SOX5: variants seen among roughly 807,000 people sequenced by gnomAD.
SOX5 encodes the protein transcription factor SOX-5.
SOX5 carries 9 observed loss-of-function variants against 92.0 expected under a neutral mutation model. The observed-to-expected ratio is 0.10, with a 90% CI of 0.06 to 0.17. The LOEUF is 0.17. Among genes scored for constraint, SOX5 ranks in the 10% least tolerant of loss-of-function variants. SOX5 has a pLI of 1.00. For synonymous variants in SOX5, 344 were observed against 336.3 expected, an observed-to-expected ratio of 1.02 and a Z score of -0.25; for missense variants, 642 against 944.5, an observed-to-expected ratio of 0.68 and a Z score of 4.20.
At chr12:23,585,346 A>G (rs568671060) in intron 9 of SOX5, among the ~76,000 whole-genome samples, 2 of 152,164 alleles carry the variant, frequency 1.3e-5, no homozygotes, top group Non-Finnish European at 1.5e-5. Context: ...TTCTACTCAG[A>G]GATGTCTGCT....
intron 2 of SOX5, among the ~76,000 whole-genome samples, chr12:24,303,154 AGGTTGTAT>A (rs1166811533): frequency 6.6e-6 from 1 of 152,202 alleles, no homozygotes; most frequent in African/African-American, 2.4e-5. Flanking sequence ...AAAGGAAGGA[AGGTTGTAT>A]AAGGCTCTAT....
intron 8 of SOX5, among the ~76,000 whole-genome samples, chr12:23,606,444 T>C (rs1246056457): frequency 1.3e-5 from 2 of 151,642 alleles, no homozygotes; most frequent in African/African-American, 2.4e-5. Context: ...TATTTTATAA[T>C]TACTAATGAC....
At chr12:23,967,379 T>G (rs183491513) in intron 4 of SOX5, among the ~76,000 whole-genome samples, 1 of 152,046 alleles carries the variant, frequency 6.6e-6, no homozygotes, top group Non-Finnish European at 1.5e-5. Context: ...ATAGAAAATA[T>G]AAAAAGTAAC....
intron 4 of SOX5, among the ~76,000 whole-genome samples, chr12:24,098,881 T>A (rs907198083): frequency 1.3e-5 from 2 of 152,140 alleles, no homozygotes; most frequent in African/African-American, 4.8e-5. Flanking sequence ...GCCCTGGGTA[T>A]CTTATGTGCC....
intron 2 of SOX5, among the ~76,000 whole-genome samples, chr12:23,860,464 A>C (rs2096742617): frequency 6.6e-6 from 1 of 152,198 alleles, no homozygotes; most frequent in African/African-American, 2.4e-5. Flanking sequence ...GGTATTGACA[A>C]AAACAGATTT....
At chr12:23,661,288 T>C (rs933582609) in intron 7 of SOX5, among the ~76,000 whole-genome samples, 6 of 152,196 alleles carry the variant, frequency 3.9e-5, no homozygotes, top group African/African-American at 1.4e-4. Flanking sequence ...GGCAGAGGAC[T>C]GCAGTCTCTA....
At chr12:24,227,193 A>ACGTC (rs1252619113) in intron 3 of SOX5, 1 of 152,252 alleles carries the variant, frequency 6.6e-6, no homozygotes, top group Non-Finnish European at 1.5e-5. Flanking sequence ...GAAACAGCAG[A>ACGTC]CGTCAGACAG....
At chr12:24,252,799 C>A (rs1403747673) in intron 3 of SOX5, among the ~76,000 whole-genome samples, 1 of 152,072 alleles carries the variant, frequency 6.6e-6, no homozygotes, top group Admixed American at 6.6e-5. Context: ...TAGCACTAAA[C>A]CTTGTTACAA....
chr12:24,523,215 TA>T (rs1302276288), intron 1 of SOX5, among the ~76,000 whole-genome samples: 1 of 152,058 alleles, frequency 6.6e-6, no homozygotes, highest in Non-Finnish European at 1.5e-5. Flanking sequence ...CACTGAAAAC[TA>T]TAAAACATTG....
intron 8 of SOX5, among the ~76,000 whole-genome samples, chr12:23,609,482 T>A (rs2075688546): frequency 6.6e-6 from 1 of 152,052 alleles, no homozygotes; most frequent in South Asian, 2.1e-4. Flanking sequence ...TAATTTCAAG[T>A]TCATAGCATA....
intron 7 of SOX5, among the ~76,000 whole-genome samples, chr12:23,660,641 T>G (rs1261862730): frequency 2.0e-5 from 3 of 152,124 alleles, no homozygotes; most frequent in Non-Finnish European, 4.4e-5. Context: ...GAAAATAAAT[T>G]TTGTTATAAT....
intron 4 of SOX5, among the ~76,000 whole-genome samples, chr12:24,098,647 C>A (rs4379919): frequency 0.033 from 4,976 of 152,174 alleles, 301 homozygotes; most frequent in African/African-American, 0.11. Flanking sequence ...GCAAAATTTG[C>A]CCTAGTAAAG....
chr12:23,998,579 T>A (rs993969000), intron 4 of SOX5, among the ~76,000 whole-genome samples: 1 of 151,486 alleles, frequency 6.6e-6, no homozygotes, highest in Non-Finnish European at 1.5e-5. Flanking sequence ...CTGAGGCTGG[T>A]GGATCACGAG....
At chr12:24,120,533 A>G (rs923407440) in intron 4 of SOX5, among the ~76,000 whole-genome samples, 1 of 152,296 alleles carries the variant, frequency 6.6e-6, no homozygotes, top group Middle Eastern at 3.4e-3. Context: ...CGCCTAAACA[A>G]CAGAATGCAA....
intron 7 of SOX5, among the ~76,000 whole-genome samples, chr12:23,643,708 T>G (rs940856078): frequency 6.6e-6 from 1 of 152,160 alleles, no homozygotes; most frequent in African/African-American, 2.4e-5. Flanking sequence ...GTGATAATTT[T>G]TTTCATTTAA....
chr12:24,217,581 A>G (rs1321397885), intron 3 of SOX5, among the ~76,000 whole-genome samples: 1 of 152,234 alleles, frequency 6.6e-6, no homozygotes, highest in African/African-American at 2.4e-5. Context: ...TGGGTTTAGC[A>G]ATGGGTTGTC....
intron 4 of SOX5, among the ~76,000 whole-genome samples, chr12:24,212,227 G>C (rs1958697651): frequency 6.6e-6 from 1 of 152,166 alleles, no homozygotes; most frequent in Non-Finnish European, 1.5e-5. Context: ...CAAGGTACAT[G>C]CCAATAAAAA....
chr12:23,898,006 G>A (rs2097194519), intron 1 of SOX5, among the ~76,000 whole-genome samples: 1 of 152,116 alleles, frequency 6.6e-6, no homozygotes, highest in South Asian at 2.1e-4. Context: ...AATAGTTCTA[G>A]TTTCATTGGC....
intron 3 of SOX5, among the ~76,000 whole-genome samples, chr12:23,800,241 T>C (rs914489806): frequency 2.0e-5 from 3 of 152,176 alleles, no homozygotes; most frequent in African/African-American, 7.2e-5. Flanking sequence ...AAGTAAAGTT[T>C]TGTTGGAACA....
Sources: gnomAD v4.1 joint callset for allele counts (sites outside exome capture counted in the v4.1 genomes callset) on GRCh38, gnomAD v4.1.1 for gene constraint, MANE v1.5 for transcripts, NCBI Gene and HGNC (gene_info 2026-07-23, HGNC 2026-07-21) for gene names.